MLLT1: variants seen among roughly 807,000 people sequenced by gnomAD.
The protein encoded by MLLT1 is MLLT1 super elongation complex subunit.
MLLT1 carries 11 observed loss-of-function variants against 55.1 expected under a neutral mutation model. The ratio of observed to expected loss-of-function variants is 0.20; its 90% CI spans 0.13 to 0.33. The LOEUF is 0.33. Ranked by LOEUF, MLLT1 falls within the 10% of genes least tolerant of loss-of-function variation. MLLT1 has a pLI of 1.00. For missense variants in MLLT1, 536 were observed against 760.6 expected (o/e 0.70, Z 3.47); for synonymous variants, 323 against 320.1 (o/e 1.01, Z -0.10).
rs1451656139 is a variant in MLLT1 at position 6,262,506 on chromosome 19, CAGGG to C, written c.194-200_194-197del. ...CAAAGTTATCTTAGGAATAAAACAG[CAGGG>C]AAGAAGAGGAGAAAGGAGACTTGGC... On this transcript the variant is annotated intron_variant, in intron 2 of 11. Coordinates refer to ENST00000252674, the MANE Select transcript of MLLT1 (RefSeq NM_005934.4). The surrounding 1 kb of genome is among the most constrained non-coding windows in gnomAD (Gnocchi z 4.4). Among the ~76,000 whole-genome samples, 1 of 152,062 alleles carries C rather than the reference CAGGG, an allele frequency of 6.6e-6. No individual in the cohort carries two copies. Among genetic ancestry groups the C allele is most frequent in the Admixed American group, 6.5e-5 (1 of 15,278 alleles).
intron 11 of MLLT1, 27 bp downstream of exon 11, chr19:6,213,310 C>T (rs1398779573): frequency 5.6e-6 from 9 of 1,611,952 alleles, no homozygotes; most frequent in South Asian, 1.1e-5. Context: ...CGACCTCTGC[C>T]GGGCAGGACC....
rs2233196 is a variant in MLLT1, at chr19:6,213,723, C to T, written c.1479+3G>A. 28 of 1,612,714 alleles carry T rather than the reference C, an allele frequency of 1.7e-5. No homozygotes were observed. Among genetic ancestry groups the T allele is most frequent in the Non-Finnish European group, 2.4e-5 (28 of 1,179,254 alleles). On this transcript the variant is annotated splice_donor_region_variant and intron_variant, in intron 10 of 11. Coordinates refer to ENST00000252674, the MANE Select transcript of MLLT1 (RefSeq NM_005934.4). ...CCCCGCCTTGTCGTAGGTGCCCCCC[C>T]ACCTTGTCGTAGGTGCCCTTCTTGA...
At chr19:6,228,324 C>T (rs2090973233) in intron 4 of MLLT1, among the ~76,000 whole-genome samples, 1 of 152,206 alleles carries the variant, frequency 6.6e-6, no homozygotes, top group Non-Finnish European at 1.5e-5. Flanking sequence ...ACCTTCTTTC[C>T]CCTCAAAACA....
rs779291198 is a variant in MLLT1, at chr19:6,222,647, T to G, written c.584A>C (p.His195Pro). Residue 195 changes from histidine to proline, a missense_variant, in exon 6 of 12, where the codon CAC becomes CCC. Around this residue, in one of 3 missense-constraint regions of MLLT1, gnomAD observed 449 missense variants for 489.0 expected, o/e 0.92. Coordinates refer to ENST00000252674, the MANE Select transcript of MLLT1 (RefSeq NM_005934.4). This position sits in a 1 kb window ranked among gnomAD's most constrained non-coding sequence, Gnocchi z 4.1. ...NKESSKTSKP[H>P]KVTKEHRERP... ...CTCCCGGTGCTCCTTGGTCACCTTG[T>G]GTGGCTTGGAGGTCTTGCTGCTCTC... 1.9e-6 allele frequency: 3 copies of G among 1,572,492 alleles called. No individual in the cohort carries two copies. The highest frequency in any genetic ancestry group is 1.1e-5 in the South Asian group (1 of 88,614).
At chr19:6,237,438 G>A (rs2144890841) in intron 3 of MLLT1, among the ~76,000 whole-genome samples, 1 of 152,200 alleles carries the variant, frequency 6.6e-6, no homozygotes, top group South Asian at 2.1e-4. Flanking sequence ...TGAGGCCCCA[G>A]GGTTCACAGA....
At chr19:6,267,133 G>A (rs55745802) in intron 2 of MLLT1, among the ~76,000 whole-genome samples, 176 of 151,266 alleles carry the variant, frequency 1.2e-3, no homozygotes, top group African/African-American at 4.0e-3. Context: ...ACATAGTTTC[G>A]CTCTGTCGCC....
rs574441902 is a variant in MLLT1, at chr19:6,212,800, G to A, written c.*242C>T. On this transcript the variant is annotated 3_prime_UTR_variant, in exon 12 of 12. Coordinates refer to ENST00000252674, the MANE Select transcript of MLLT1 (RefSeq NM_005934.4). The stretch of plus-strand genomic sequence containing the variant: ...CCTTCAACACCAGCCGCTCTCTGAG[G>A]GGAGCCCAGAGAGCCCGGGGGGCGG... 5.0e-4 allele frequency: 461 copies of A among 930,458 alleles called. 3 individuals are homozygous for A. The East Asian group carries it at 0.015, about 31-fold the overall frequency. 57.6% of individuals were successfully genotyped at this position (930,458 alleles called of 1,614,324 possible).
intron 1 of MLLT1, among the ~76,000 whole-genome samples, chr19:6,278,624 A>C (rs747741015): frequency 1.3e-5 from 2 of 152,170 alleles, no homozygotes; most frequent in African/African-American, 4.8e-5. Context: ...CAGGACTGTG[A>C]CGTGACCAAC....
intron 5 of MLLT1, among the ~76,000 whole-genome samples, chr19:6,223,607 C>A (rs1600177106): frequency 6.6e-6 from 1 of 152,214 alleles, no homozygotes; most frequent in Non-Finnish European, 1.5e-5. Context: ...ATGGCACAGG[C>A]CAGGCTGGCA....
At chr19:6,245,446 C>T (rs2091159204) in intron 3 of MLLT1, among the ~76,000 whole-genome samples, 2 of 151,934 alleles carry the variant, frequency 1.3e-5, no homozygotes, top group Admixed American at 1.3e-4. Context: ...CACAGTGGCT[C>T]ACGCCTGTAA....
At position 6,227,025 on chromosome 19, in the gene MLLT1, G is replaced by T; in HGVS notation, c.498C>A (p.Leu166=). ...TCTTCTTGGGGTCAGAGAAGGCAGA[G>T]AGTGGAATTGTGGGTAACATGGGGT... The part of the protein sequence containing the change: ...PDYPMLPTIP[L]SAFSDPKKTK... The change falls in exon 5 of 12, where the codon CTC becomes CTA. Residue 166 remains leucine, a synonymous_variant. Transcript: ENST00000252674. This position sits in a 1 kb window ranked among gnomAD's most constrained non-coding sequence, Gnocchi z 5.1. The T allele has an allele frequency of 6.2e-7, 1 of 1,608,062 alleles. No individual in the cohort carries two copies. The highest frequency in any genetic ancestry group is 1.7e-4 in the Middle Eastern group (1 of 6,038).
chr19:6,256,320 G>A lies in MLLT1; in HGVS notation c.276+5908C>T, dbSNP rs1828204384. ...ACAAAAATAATAAAATTAGCTGGAT[G>A]TGGTGGTGCAGGCCCGTGGTTCCAG... On this transcript the variant is annotated intron_variant, in intron 3 of 11. Coordinates refer to ENST00000252674, the MANE Select transcript of MLLT1 (RefSeq NM_005934.4). This position sits in a 1 kb window ranked among gnomAD's most constrained non-coding sequence, Gnocchi z 4.1. Among the ~76,000 whole-genome samples, 1 of 152,108 alleles carries A rather than the reference G, an allele frequency of 6.6e-6. No individual in the cohort carries two copies. The highest frequency in any genetic ancestry group is 2.4e-5 in the African/African-American group (1 of 41,408).
chr19:6,267,939 A>T (rs962299251), intron 2 of MLLT1, among the ~76,000 whole-genome samples: 2 of 152,218 alleles, frequency 1.3e-5, no homozygotes, highest in African/African-American at 4.8e-5. Context: ...TCAAACACTT[A>T]GTAAGCACCT....
chr19:6,211,917 A>G lies in MLLT1; in HGVS notation c.*1125T>C. 1 of 1,064,816 alleles carries G rather than the reference A, an allele frequency of 9.4e-7. No homozygotes were observed. Among genetic ancestry groups the G allele is most frequent in the Non-Finnish European group, 1.1e-6 (1 of 878,918 alleles). The allele number at this position is 1,064,816 out of a possible 1,614,324, so 66.0% of individuals were successfully genotyped here. On this transcript the variant is annotated 3_prime_UTR_variant, in exon 12 of 12. Coordinates refer to ENST00000252674, the MANE Select transcript of MLLT1 (RefSeq NM_005934.4). The surrounding 1 kb of genome is among the most constrained non-coding windows in gnomAD (Gnocchi z 4.6). Reference sequence around the variant, plus strand: ...GGAGGCCGGGGCGGGCCAGGCCGCGACCAGAGAGAAAGGCAGCCTGGGAGG... The same window carrying G: ...GGAGGCCGGGGCGGGCCAGGCCGCGGCCAGAGAGAAAGGCAGCCTGGGAGG...
At chr19:6,246,750 A>G (rs1361873674) in intron 3 of MLLT1, among the ~76,000 whole-genome samples, 1 of 152,178 alleles carries the variant, frequency 6.6e-6, no homozygotes, top group African/African-American at 2.4e-5. Flanking sequence ...AATACAAATT[A>G]AGAAATCAGT....
intron 3 of MLLT1, among the ~76,000 whole-genome samples, chr19:6,242,222 A>G (rs546433042): frequency 6.6e-6 from 1 of 151,754 alleles, no homozygotes; most frequent in East Asian, 1.9e-4. Context: ...AGCCATCTCC[A>G]CTCTACAGAG....
intron 3 of MLLT1, among the ~76,000 whole-genome samples, chr19:6,253,210 A>T (rs1016626494): frequency 7.3e-6 from 1 of 136,402 alleles, no homozygotes; most frequent in Non-Finnish European, 1.5e-5. Context: ...GCTTGCAGTG[A>T]GCCAAGATTG....
At chr19:6,216,795 T>G in intron 7 of MLLT1, 2 of 442,288 alleles carry the variant, frequency 4.5e-6, no homozygotes, top group East Asian at 4.4e-5. Context: ...GCAGGGCCCC[T>G]CCATTGCTGC....
chr19:6,232,099 G>C (rs115804846), intron 3 of MLLT1, among the ~76,000 whole-genome samples: 1,989 of 152,258 alleles, frequency 0.013, 43 homozygotes, highest in African/African-American at 0.045. Flanking sequence ...AGCCGAGCAT[G>C]GTGGTAGGAG....
Sources: gnomAD v4.1 joint callset for allele counts (sites outside exome capture counted in the v4.1 genomes callset) on GRCh38, gnomAD v4.1.1 for gene constraint, gnomAD v4.1.1 regional missense constraint, Gnocchi (gnomAD v3.1) non-coding constraint, MANE v1.5 for transcripts, NCBI Gene and HGNC (gene_info 2026-07-23, HGNC 2026-07-21) for gene names.